TMF1: variants seen among roughly 807,000 people sequenced by gnomAD.
TMF1 encodes the protein TATA element modulatory factor 1.
TMF1 carries 71 observed loss-of-function variants against 126.5 expected under a neutral mutation model. The ratio of observed to expected loss-of-function variants is 0.56; its 90% confidence interval spans 0.46 to 0.68. The LOEUF (loss-of-function observed/expected upper bound fraction) is 0.68. Ranked by LOEUF, TMF1 falls within the 30% of genes least tolerant of loss-of-function variation. The pLI is 0.00. For synonymous variants in TMF1, 461 were observed against 430.5 expected (o/e 1.07, Z -0.88); for missense variants, 1,259 against 1,253.2 (o/e 1.00, Z -0.07).
At chr3:69,037,925 G>A (rs529921686) in intron 8 of TMF1, among the ~76,000 whole-genome samples, 14 of 152,242 alleles carry the variant, frequency 9.2e-5, no homozygotes, top group Non-Finnish European at 1.9e-4. Context: ...GCAAGGATGT[G>A]GAGAAACTGA....
intron 5 of TMF1, among the ~76,000 whole-genome samples, chr3:69,040,815 G>A (rs779631430): frequency 6.6e-6 from 1 of 151,902 alleles, no homozygotes; most frequent in Non-Finnish European, 1.5e-5. Context: ...TCAGCTATTC[G>A]GGAGGCTGAG....
At position 69,045,033 on chromosome 3, in the gene TMF1, C is replaced by T. The variant is rs888734042; in HGVS notation, c.1348-438G>A. 3.9e-5 allele frequency among the ~76,000 whole-genome samples: 6 copies of T among 152,284 alleles called. 1 individual carries two copies. The South Asian group carries it at 1.2e-3, about 32-fold the overall frequency. On this transcript the variant is annotated intron_variant, in intron 2 of 16. Coordinates refer to ENST00000398559, the MANE Select transcript of TMF1 (RefSeq NM_007114.3). ...AAAGAAGAAGGGAGATGGATGCAAT[C>T]AAAAGAGGTCAAAGAGGAAATTTAA...
Position 69,047,661 on chromosome 3 carries a change from C to G in TMF1, c.1044G>C (p.Leu348Phe). The G allele has an allele frequency of 6.2e-7, 1 of 1,614,136 alleles. No homozygotes were observed. The highest frequency in any genetic ancestry group is 8.5e-7 in the Non-Finnish European group (1 of 1,180,026). Residue 348 changes from leucine (L) to phenylalanine (F), a missense_variant, in exon 2 of 17, where the codon TTG (leucine) becomes TTC (phenylalanine). Leu to Phe is a conservative substitution (Grantham distance 22). Transcript: ENST00000398559. ...SVSEINSDDELSGKGYALVPI... is the reference protein window; with the variant it reads ...SVSEINSDDEFSGKGYALVPI... ...GCACTAAAGCATATCCCTTGCCTGA[C>G]AATTCATCATCTGAATTGATTTCAC...
At position 69,025,639 on chromosome 3, in the gene TMF1, CT is replaced by C. The variant is rs2091763505; in HGVS notation, c.2932del (p.Arg978GlyfsTer8). 6.2e-7 allele frequency: 1 copy of C among 1,613,892 alleles called. No homozygotes were observed. Among genetic ancestry groups the C allele is most frequent in the African/African-American group, 1.3e-5 (1 of 74,924 alleles). The stretch of plus-strand genomic sequence containing the variant: ...AATTATGCTTGATCCTGCTCCCATC[CT>C]TACAGCATCATAAAGATTGCTTCCA... The part of the protein sequence containing the change: ...ANGSNLYDAV[R>X]MGAGSSIIEN... On this transcript the variant is annotated frameshift_variant, in exon 15 of 17. Transcript: ENST00000398559. LOFTEE classifies it high-confidence loss of function.
rs774070834 is a variant in TMF1, at chr3:69,048,177, C to G, written c.528G>C (p.Lys176Asn). The G allele has an allele frequency of 1.2e-6, 2 of 1,614,198 alleles. No individual in the cohort carries two copies. Among genetic ancestry groups the G allele is most frequent in the African/African-American group, 1.3e-5 (1 of 75,048 alleles). The change falls in exon 2 of 17, where the codon AAG (lysine) becomes AAC (asparagine). Residue 176 changes from lysine to asparagine, a missense_variant. Lys to Asn is a moderately conservative substitution (Grantham distance 94). Coordinates refer to ENST00000398559, the MANE Select transcript of TMF1 (RefSeq NM_007114.3). ...ATTCTTTATTAACAGTTTCTTCGTG[C>G]TTGCCTTCAGTTTTAGGTGATGAAG... ...AGTSSPKTEG[K>N]HEETVNKESD...
rs1302049075 is a variant in TMF1, at chr3:69,048,432, A to G, written c.273T>C (p.Asp91=). 2 of 1,614,206 alleles carry G rather than the reference A, an allele frequency of 1.2e-6. No homozygotes were observed. Among genetic ancestry groups the G allele is most frequent in the African/African-American group, 1.3e-5 (1 of 75,060 alleles). ...AGGCACTGAAGAAATTTTCAGATTC[A>G]TCGACCACAGTCCTCCGAACTGGCT... ...ITKPVRRTVV[D]ESENFFSAFL... is the part of the protein sequence containing the mutation. Residue 91 remains aspartate (D), a synonymous_variant, in exon 2 of 17, where the codon GAT becomes GAC. Transcript: ENST00000398559.
chr3:69,033,298 G>T lies in TMF1; in HGVS notation c.2401+250C>A, dbSNP rs189434253. ...CAAAAAAAAAAAAAAAAAAAGAACT[G>T]AATGAAAGAATGACATGGAAGTACT... is the stretch of plus-strand genomic sequence containing the variant. On this transcript the variant is annotated intron_variant, in intron 10 of 16. Transcript: ENST00000398559. Among the ~76,000 whole-genome samples the T allele has an allele frequency of 3.8e-3, 547 of 145,240 alleles. 2 individuals carry two copies. The highest frequency in any genetic ancestry group is 0.013 in the African/African-American group (520 of 39,788).
chr3:69,034,978 A>C (rs1451533924), intron 9 of TMF1, 45 bp downstream of exon 9: 1 of 1,518,936 alleles, frequency 6.6e-7, no homozygotes, highest in South Asian at 1.1e-5. Context: ...TTTCTAGAAA[A>C]ACACATACTT....
rs2091875176 is a variant in TMF1, at chr3:69,042,829, C to A, written c.1662G>T (p.Gln554His). 6.2e-7 allele frequency: 1 copy of A among 1,613,594 alleles called. No individual in the cohort carries two copies. The highest frequency in any genetic ancestry group is 1.1e-5 in the South Asian group (1 of 91,072). ...CACCTTCTTCCATTAACCCTCGGAT[C>A]TGCTCATCTTTCTCTTTCAAAAGGT... is the stretch of plus-strand genomic sequence containing the variant. ...TADLLKEKDE[Q>H]IRGLMEEGEK... The change falls in exon 5 of 17, where the codon CAG (glutamine) becomes CAT (histidine). Residue 554 changes from glutamine (Q) to histidine (H), a missense_variant. Transcript: ENST00000398559.
At chr3:69,050,284 A>AAT (rs1030958678) in intron 1 of TMF1, among the ~76,000 whole-genome samples, 12 of 151,388 alleles carry the variant, frequency 7.9e-5, no homozygotes, top group East Asian at 1.9e-4. Context: ...CAAAAAAACA[A>AAT]ATATATATAT....
At chr3:69,045,636 C>T (rs1156676392) in intron 2 of TMF1, among the ~76,000 whole-genome samples, 1 of 151,630 alleles carries the variant, frequency 6.6e-6, no homozygotes, top group African/African-American at 2.4e-5. Flanking sequence ...AAAAATTAGC[C>T]AGGCATGGTA....
intron 3 of TMF1, 40 bp downstream of exon 3, chr3:69,044,452 A>C: frequency 3.4e-6 from 4 of 1,186,690 alleles, no homozygotes; most frequent in Non-Finnish European, 4.8e-6. Context: ...ACAGGTTTCC[A>C]GAAAATGTGT....
chr3:69,052,116 C>A lies in TMF1; in HGVS notation c.-30G>T. On this transcript the variant is annotated 5_prime_UTR_variant, in exon 1 of 17. Transcript: ENST00000398559. ...CCTCCTCAGCCGGCAGTGGCGGCGG[C>A]AGCACCAAGCGGGAAGGCCTCAGGC... 6.3e-7 allele frequency: 1 copy of A among 1,593,544 alleles called. No homozygotes were observed. The highest frequency in any genetic ancestry group is 8.5e-7 in the Non-Finnish European group (1 of 1,172,116).
chr3:69,040,553 T>A (rs2091857948), intron 5 of TMF1: 1 of 152,240 alleles, frequency 6.6e-6, no homozygotes, highest in Admixed American at 6.5e-5. Flanking sequence ...TAACACCTGA[T>A]GAATCTAGGT....
rs2091762759 is a variant in TMF1 at position 69,025,469 on chromosome 3, T to G, written c.3012+91A>C. On this transcript the variant is annotated intron_variant, in intron 15 of 16. Coordinates refer to ENST00000398559, the MANE Select transcript of TMF1 (RefSeq NM_007114.3). ...GCCACTATGTCATCTTGTTTCTCAA[T>G]TTGCTCAGAATTCAGATGGAAATGA... 13 of 1,277,032 alleles carry G rather than the reference T, an allele frequency of 1.0e-5. No homozygotes were observed. In the African/African-American group the frequency reaches 1.2e-4, roughly 12 times the overall value. The allele number at this position is 1,277,032 out of a possible 1,614,324, so 79.1% of individuals were successfully genotyped here. A position where few individuals can be genotyped will look rare whatever the true frequency, so the allele number is the denominator to read the frequency against.
Position 69,021,423 on chromosome 3 carries a change from C to CT in TMF1, c.*1753dup, listed in dbSNP as rs1271648388. On this transcript the variant is annotated 3_prime_UTR_variant, in exon 17 of 17. Coordinates refer to ENST00000398559, the MANE Select transcript of TMF1 (RefSeq NM_007114.3). ...ATATTACACACACAAAAAAATCAAG[C>CT]TGACAAAAAGCTATTAGACTACTTT... 6.6e-6 allele frequency: 1 copy of CT among 152,418 alleles called. No homozygotes were observed. The highest frequency in any genetic ancestry group is 1.5e-5 in the Non-Finnish European group (1 of 68,016). 9.4% of individuals were successfully genotyped at this position (152,418 alleles called of 1,614,324 possible).
intron 1 of TMF1, among the ~76,000 whole-genome samples, chr3:69,050,050 A>G (rs2091917786): frequency 6.6e-6 from 1 of 152,086 alleles, no homozygotes; most frequent in Non-Finnish European, 1.5e-5. Flanking sequence ...ACCTGAGGTC[A>G]GGAGTTCAAG....
At chr3:69,042,692 G>A (rs944673895) in intron 5 of TMF1, 115 bp downstream of exon 5, 13 of 844,820 alleles carry the variant, frequency 1.5e-5, no homozygotes, top group Middle Eastern at 4.3e-4. Flanking sequence ...TATGGTTTAC[G>A]TCCAAACCCT....
At chr3:69,048,931 G>A (rs1186786696) in intron 1 of TMF1, 4 of 171,080 alleles carry the variant, frequency 2.3e-5, no homozygotes, top group South Asian at 3.6e-4. Context: ...ATAATAACAC[G>A]CTTTACTTAT....
Sources: gnomAD v4.1 joint callset for allele counts (sites outside exome capture counted in the v4.1 genomes callset) on GRCh38, gnomAD v4.1.1 for gene constraint, MANE v1.5 for transcripts, NCBI Gene and HGNC (gene_info 2026-07-23, HGNC 2026-07-21) for gene names.